Variants in ANKRD36C observed in about 807,000 individuals in gnomAD.
ANKRD36C encodes the protein ankyrin repeat domain 36C.
ANKRD36C carries 61 observed loss-of-function variants against 276.4 expected under a neutral mutation model. The observed-to-expected ratio is 0.22, with a 90% CI of 0.18 to 0.27. The LOEUF is 0.27. ANKRD36C is among the 10% of genes least tolerant of loss of function. The probability of loss-of-function intolerance (pLI) is 1.00; values close to 1 mark genes in which losing one functional copy is unlikely to be tolerated. For synonymous variants in ANKRD36C, 483 were observed against 680.1 expected (o/e 0.71, Z 4.51); for missense variants, 1,447 against 2,032.3 (o/e 0.71, Z 5.54).
At chr2:95,912,507 T>A in intron 40 of ANKRD36C, 72 bp from the exon 43 acceptor site, 1 of 1,595,810 alleles carries the variant, frequency 6.3e-7, no homozygotes. Flanking sequence ...TCGCACAGTG[T>A]TAGCATCAAC....
In ANKRD36C at chr2:95,978,196, A is replaced by G. The variant is rs538234004; in HGVS notation, c.732-7T>C. On this transcript the variant is annotated splice_polypyrimidine_tract_variant and splice_region_variant and intron_variant, in intron 5 of 66. Coordinates refer to ENST00000456556, the Ensembl canonical transcript of ANKRD36C. ...ATAAATTAGTTCAAAAATGCTATGC[A>G]TAAAAATAAATGAAATTAATATTTT... is the stretch of plus-strand genomic sequence containing the variant. 1.1e-6 allele frequency: 1 copy of G among 920,038 alleles called. No homozygotes were observed. Among genetic ancestry groups the G allele is most frequent in the African/African-American group, 1.7e-5 (1 of 59,034 alleles). 57.0% of individuals were successfully genotyped at this position (920,038 alleles called of 1,614,324 possible).
intron 41 of ANKRD36C, 28 bp from the exon 44 acceptor site, chr2:95,912,344 A>C: frequency 1.3e-6 from 2 of 1,599,186 alleles, no homozygotes; most frequent in Non-Finnish European, 1.7e-6. Flanking sequence ...CAAAATAATA[A>C]ATAAGGTATG....
At chr2:95,984,030 A>C (rs1678976054) in intron 3 of ANKRD36C, among the ~76,000 whole-genome samples, 1 of 152,200 alleles carries the variant, frequency 6.6e-6, no homozygotes, top group Admixed American at 6.5e-5. Context: ...CATGCATTCT[A>C]ATGGGAAGAT....
At chr2:95,947,772 G>A (rs116148989) in intron 17 of ANKRD36C, among the ~76,000 whole-genome samples, 3,995 of 152,134 alleles carry the variant, frequency 0.026, 183 homozygotes, top group African/African-American at 0.092. Context: ...CACAGTGTAA[G>A]CCCTCTCTAC....
chr2:95,937,082 A>G (rs1312999862), intron 22 of ANKRD36C, among the ~76,000 whole-genome samples: 1 of 151,912 alleles, frequency 6.6e-6, no homozygotes, highest in Non-Finnish European at 1.5e-5. Flanking sequence ...TGAGCAGTAA[A>G]TAAGAATTTC....
downstream of ANKRD36C, among the ~76,000 whole-genome samples, chr2:95,849,185 G>A (rs1171466281): frequency 2.0e-5 from 3 of 151,910 alleles, no homozygotes; most frequent in African/African-American, 7.3e-5. Flanking sequence ...TCAGCTTCCC[G>A]AGTAGCTGAG....
intron 36 of ANKRD36C, 83 bp downstream of exon 38, chr2:95,917,772 C>A: frequency 2.7e-6 from 4 of 1,498,410 alleles, no homozygotes; most frequent in South Asian, 1.3e-5. Context: ...CACCCCCAAC[C>A]GCCCTCCGCT....
chr2:95,849,239 T>C (rs1675235887), downstream of ANKRD36C, among the ~76,000 whole-genome samples: 1 of 152,136 alleles, frequency 6.6e-6, no homozygotes, highest in Admixed American at 6.5e-5. Flanking sequence ...TTTGTGTTTT[T>C]AGTAGAGACA....
At chr2:95,974,027 G>A (rs1573813955) in intron 6 of ANKRD36C, among the ~76,000 whole-genome samples, 1 of 151,250 alleles carries the variant, frequency 6.6e-6, no homozygotes, top group Admixed American at 6.6e-5. Flanking sequence ...CTCTAGCCTG[G>A]GAAACAGCAA....
intron 60 of ANKRD36C, among the ~76,000 whole-genome samples, chr2:95,865,078 G>A (rs1346917308): frequency 6.6e-6 from 1 of 151,882 alleles, no homozygotes; most frequent in Non-Finnish European, 1.5e-5. Flanking sequence ...TATAAATAAA[G>A]TCAAATACAT....
At chr2:95,864,666 T>C (rs1573725927) in intron 60 of ANKRD36C, among the ~76,000 whole-genome samples, 1 of 152,172 alleles carries the variant, frequency 6.6e-6, no homozygotes. Flanking sequence ...AACCCCAACC[T>C]GTGGGCCAGC....
At chr2:95,852,093 T>G (rs753331692) in intron 65 of ANKRD36C, 33 bp downstream of exon 85, 25 of 1,582,742 alleles carry the variant, frequency 1.6e-5, no homozygotes, top group Middle Eastern at 2.3e-4. Context: ...TTATAAATAC[T>G]CAAGTTATTT....
Position 95,962,278 on chromosome 2 carries a change from T to C in ANKRD36C, c.901+74A>G. The C allele has an allele frequency of 2.7e-6, 4 of 1,474,932 alleles. No individual in the cohort carries two copies. The South Asian group carries it at 5.1e-5, about 19-fold the overall frequency. 91.4% of individuals were successfully genotyped at this position (1,474,932 alleles called of 1,614,324 possible). Reference sequence around the variant, plus strand: ...GAATGTGCAGATTCAATGAGCTCCCTGCGATTTATTCAGGGAACAGCAGTT... The same window carrying C: ...GAATGTGCAGATTCAATGAGCTCCCCGCGATTTATTCAGGGAACAGCAGTT... On this transcript the variant is annotated intron_variant, in intron 8 of 66. Coordinates refer to ENST00000456556, the Ensembl canonical transcript of ANKRD36C.
chr2:95,954,814 C>G (rs1678289183), intron 13 of ANKRD36C, among the ~76,000 whole-genome samples: 1 of 152,188 alleles, frequency 6.6e-6, no homozygotes, highest in Non-Finnish European at 1.5e-5. Flanking sequence ...CTCCTAAGTA[C>G]TTATAGCTCC....
chr2:95,986,491 G>C, intron 3 of ANKRD36C: 1 of 417,590 alleles, frequency 2.4e-6, no homozygotes, highest in Non-Finnish European at 4.1e-6. Flanking sequence ...CCCAAATTCA[G>C]TTGTCATGAA....
intron 42 of ANKRD36C, among the ~76,000 whole-genome samples, chr2:95,911,894 G>A (rs907340341): frequency 5.3e-5 from 8 of 151,422 alleles, no homozygotes; most frequent in South Asian, 4.1e-4. Flanking sequence ...TTAGCACTAC[G>A]ATGTGACGTC....
chr2:95,859,136 C>T (rs76496509), intron 61 of ANKRD36C, among the ~76,000 whole-genome samples: 5 of 151,772 alleles, frequency 3.3e-5, no homozygotes, highest in African/African-American at 7.3e-5. Context: ...CAGGTTCATG[C>T]GATTCTCCTG....
chr2:95,889,143 G>A (rs1176281407), intron 48 of ANKRD36C, among the ~76,000 whole-genome samples: 2 of 151,450 alleles, frequency 1.3e-5, no homozygotes, highest in East Asian at 3.9e-4. Context: ...TCCTAAAGAG[G>A]AGTAATGAGT....
chr2:95,948,376 AC>A (rs1158365405), intron 17 of ANKRD36C, among the ~76,000 whole-genome samples, 153 bp downstream of exon 17: 2 of 152,204 alleles, frequency 1.3e-5, no homozygotes, highest in African/African-American at 2.4e-5. Context: ...ATTAAAATTA[AC>A]CCCCCCTATT....
Sources: allele counts gnomAD v4.1 joint callset (sites outside exome capture counted in the v4.1 genomes callset), GRCh38; gene constraint gnomAD v4.1.1; transcripts MANE v1.5; gene names NCBI Gene and HGNC (gene_info 2026-07-23, HGNC 2026-07-21).